Variants in DAB1 observed in about 807,000 individuals in gnomAD.
DAB1 encodes the protein disabled homolog 1.
A neutral mutation model predicts 64.6 loss-of-function variants in DAB1; 15 were observed. The observed-to-expected ratio is 0.23, with a 90% CI of 0.16 to 0.36. The LOEUF (loss-of-function observed/expected upper bound fraction) is 0.36, where lower values mean the gene tolerates loss of function less well. DAB1 is among the 10% of genes least tolerant of loss of function. The pLI, the probability that DAB1 is intolerant of heterozygous loss-of-function variation, is 1.00. For missense variants in DAB1, 596 were observed against 706.7 expected, an observed-to-expected ratio of 0.84 and a Z score of 1.78; for synonymous variants, 235 against 251.9, an observed-to-expected ratio of 0.93 and a Z score of 0.64.
At chr1:58,235,100 A>C (rs957005321) in intron 4 of DAB1, among the ~76,000 whole-genome samples, 7 of 152,216 alleles carry the variant, frequency 4.6e-5, no homozygotes, top group African/African-American at 1.7e-4. Flanking sequence ...CAGCATCTTC[A>C]TCTGTGTGAT....
At position 58,432,562 on chromosome 1, in the gene DAB1, T is replaced by C. The variant is rs372816116; in HGVS notation, n.257+73498A>G. Among the ~76,000 whole-genome samples the C allele has an allele frequency of 1.9e-3, 294 of 152,308 alleles. 7 individuals are homozygous for C. In the South Asian group the frequency reaches 0.055, roughly 28 times the overall value. On this transcript the variant is annotated intron_variant and non_coding_transcript_variant, in intron 3 of 20. Coordinates refer to the DAB1 transcript ENST00000485760. ...AGCAGGGTCTCTTTGTGTGTTTCTG[T>C]AGTGCCTGTACTTATCTGGTCATAG...
At chr1:57,137,173 G>T (rs1449456045) in intron 3 of DAB1, among the ~76,000 whole-genome samples, 2 of 152,110 alleles carry the variant, frequency 1.3e-5, no homozygotes, top group African/African-American at 4.8e-5. Flanking sequence ...AATGCCTATT[G>T]ATTATAATTT....
At chr1:58,014,932 C>T (rs1449555650) in intron 5 of DAB1, among the ~76,000 whole-genome samples, 1 of 152,166 alleles carries the variant, frequency 6.6e-6, no homozygotes, top group African/African-American at 2.4e-5. Context: ...TGGACAGCAA[C>T]TTGAGTTTCT....
rs1469099577 is a variant in DAB1 at position 57,011,152 on chromosome 1, T to C, written c.1565A>G (p.Gln522Arg). The C allele has an allele frequency of 1.2e-6, 2 of 1,614,042 alleles. No individual in the cohort carries two copies. The highest frequency in any genetic ancestry group is 1.7e-6 in the Non-Finnish European group (2 of 1,179,882). The change falls in exon 13 of 15, where the codon CAA becomes CGA. Residue 522 changes from glutamine (Q) to arginine (R), a missense_variant. Physicochemically the swap from Gln to Arg is conservative, Grantham distance 43. This residue lies in a region of DAB1 where 377 missense variants were observed against 400.4 expected (regional missense o/e 0.94). Transcript: ENST00000371236. ...AACAAACTGGTCACTTACAGCTTCTTGCTCTTCGCTTTTGCTGGGACTTTC... is the reference window on the plus strand; with the variant it reads ...AACAAACTGGTCACTTACAGCTTCTCGCTCTTCGCTTTTGCTGGGACTTTC... ...GFESPSKSEEQEAPDGSQASS... is the reference protein window; with the variant it reads ...GFESPSKSEEREAPDGSQASS...
chr1:57,115,311 C>A (rs1656012522), intron 4 of DAB1, among the ~76,000 whole-genome samples: 1 of 152,200 alleles, frequency 6.6e-6, no homozygotes, highest in East Asian at 1.9e-4. Flanking sequence ...TATTAAATCA[C>A]ACTTAATTTT....
At chr1:58,323,670 C>G (rs768171283) in intron 4 of DAB1, among the ~76,000 whole-genome samples, 1 of 151,926 alleles carries the variant, frequency 6.6e-6, no homozygotes, top group Admixed American at 6.6e-5. Flanking sequence ...AAGACTTAGC[C>G]GCACTTTGGG....
chr1:57,182,146 A>C (rs1663030785), intron 2 of DAB1, among the ~76,000 whole-genome samples: 1 of 152,070 alleles, frequency 6.6e-6, no homozygotes, highest in African/African-American at 2.4e-5. Context: ...TGGCCTCCCA[A>C]ATTGTTGGGA....
At chr1:58,042,345 T>G (rs1207689527) in intron 5 of DAB1, among the ~76,000 whole-genome samples, 2 of 152,232 alleles carry the variant, frequency 1.3e-5, no homozygotes, top group Non-Finnish European at 2.9e-5. Context: ...AACCTCTAAC[T>G]TTTAGGATAT....
At chr1:58,236,880 T>G (rs977334974) in intron 4 of DAB1, among the ~76,000 whole-genome samples, 3 of 152,188 alleles carry the variant, frequency 2.0e-5, no homozygotes, top group Admixed American at 6.5e-5. Context: ...CATAATATAT[T>G]GGGGCTGAAA....
intron 4 of DAB1, among the ~76,000 whole-genome samples, chr1:58,297,290 A>T (rs17117274): frequency 0.014 from 2,105 of 152,314 alleles, 25 homozygotes; most frequent in Admixed American, 0.021. Flanking sequence ...AGTATTTTAA[A>T]TGACCTGTAA....
chr1:57,248,004 C>T (rs1414790422), intron 2 of DAB1, among the ~76,000 whole-genome samples: 8 of 152,152 alleles, frequency 5.3e-5, no homozygotes, highest in Non-Finnish European at 1.5e-5. Flanking sequence ...AATGATTATA[C>T]AGTCATCACT....
At chr1:57,518,188 G>A (rs192254897) in intron 7 of DAB1, among the ~76,000 whole-genome samples, 10 of 151,604 alleles carry the variant, frequency 6.6e-5, no homozygotes, top group African/African-American at 2.4e-4. Flanking sequence ...TGTCGTTGTC[G>A]TCATCATCAT....
chr1:58,123,610 TG>T (rs1243847658), intron 5 of DAB1, among the ~76,000 whole-genome samples: 13 of 152,208 alleles, frequency 8.5e-5, no homozygotes, highest in Admixed American at 1.3e-4. Flanking sequence ...CCCTTTGTTC[TG>T]TGAAATCACA....
At chr1:57,066,786 C>T (rs1466082731) in intron 8 of DAB1, among the ~76,000 whole-genome samples, 1 of 152,178 alleles carries the variant, frequency 6.6e-6, no homozygotes, top group Non-Finnish European at 1.5e-5. Flanking sequence ...CACATCACTG[C>T]TAGGAGCAGA....
intron 7 of DAB1, among the ~76,000 whole-genome samples, chr1:57,590,735 AACAC>A (rs58957864): frequency 0.044 from 5,799 of 132,296 alleles, 138 homozygotes; most frequent in African/African-American, 0.065. Context: ...TGTAGTCCGT[AACAC>A]ACACACACAC....
chr1:57,941,447 G>A (rs1034090613), intron 5 of DAB1, among the ~76,000 whole-genome samples: 1 of 152,210 alleles, frequency 6.6e-6, no homozygotes, highest in Non-Finnish European at 1.5e-5. Flanking sequence ...TCCAACAGCT[G>A]TTATAAGGAT....
intron 1 of DAB1, among the ~76,000 whole-genome samples, chr1:57,413,524 G>A (rs1468849517): frequency 6.6e-6 from 1 of 152,018 alleles, no homozygotes; most frequent in Admixed American, 6.6e-5. Flanking sequence ...GGTGGATCAC[G>A]AGGTCAGGAG....
chr1:58,378,999 G>T (rs1644360028), intron 3 of DAB1, among the ~76,000 whole-genome samples: 2 of 146,896 alleles, frequency 1.4e-5, no homozygotes, highest in Non-Finnish European at 3.0e-5. Flanking sequence ...CTGACCCCTT[G>T]CGCTTCCCAG....
At chr1:57,925,659 T>C (rs1216353943) in intron 5 of DAB1, among the ~76,000 whole-genome samples, 1 of 152,196 alleles carries the variant, frequency 6.6e-6, no homozygotes, top group East Asian at 1.9e-4. Context: ...AATTCTGTCA[T>C]TTTCCAGAGG....
Sources: gnomAD v4.1 joint callset for allele counts (sites outside exome capture counted in the v4.1 genomes callset) on GRCh38, gnomAD v4.1.1 for gene constraint, gnomAD v4.1.1 regional missense constraint, MANE v1.5 for transcripts, NCBI Gene and HGNC (gene_info 2026-07-23, HGNC 2026-07-21) for gene names.